The following SMCO4 variants were observed in gnomAD, a reference collection of about 807,000 sequenced individuals.
SMCO4 encodes the protein single-pass membrane protein with coiled-coil domains 4.
Under a neutral mutation model 3.6 loss-of-function variants are expected in SMCO4, and 4 were observed. The observed-to-expected ratio is 1.11, with a 90% CI of 0.54 to 2.53. SMCO4 has a LOEUF of 2.53. Among genes scored for constraint, SMCO4 ranks in the 30% most tolerant of loss-of-function variants. The pLI is 0.02. For missense variants in SMCO4, 70 were observed against 80.8 expected, an observed-to-expected ratio of 0.87 and a Z score of 0.51; for synonymous variants, 36 against 35.3, an observed-to-expected ratio of 1.02 and a Z score of -0.07.
the SMCO4 span, among the ~76,000 whole-genome samples, chr11:93,549,355 G>GT: frequency 1.3e-5 from 2 of 152,232 alleles, no homozygotes; most frequent in Non-Finnish European, 2.9e-5. Flanking sequence ...TTTGGTCATA[G>GT]TTCAGGTGCT....
chr11:93,545,606 AAAAG>A (rs1416004422), upstream of SMCO4, among the ~76,000 whole-genome samples: 20 of 151,166 alleles, frequency 1.3e-4, no homozygotes, highest in African/African-American at 3.7e-4. Context: ...AAAAAAAAAA[AAAAG>A]AGAGAGAGAG....
At chr11:93,543,770 G>A (rs549627813), upstream of SMCO4, among the ~76,000 whole-genome samples, 1 of 152,240 alleles carries the variant, frequency 6.6e-6, no homozygotes, top group South Asian at 2.1e-4. Flanking sequence ...CTCTCCTCCA[G>A]GGCAAGGTTA....
At chr11:93,531,298 C>T (rs1949159152) in intron 1 of SMCO4, among the ~76,000 whole-genome samples, 1 of 152,338 alleles carries the variant, frequency 6.6e-6, no homozygotes, top group South Asian at 2.1e-4. Context: ...AACTGAGAAA[C>T]TGGCTCTTCC....
chr11:93,511,958 A>ACCC (rs1948961638), intron 1 of SMCO4, among the ~76,000 whole-genome samples: 2 of 152,160 alleles, frequency 1.3e-5, no homozygotes, highest in African/African-American at 4.8e-5. Flanking sequence ...GTCAATAGTG[A>ACCC]TCTCACTTGT....
At chr11:93,487,458 A>T (rs1478507899) in intron 2 of SMCO4, among the ~76,000 whole-genome samples, 1 of 152,152 alleles carries the variant, frequency 6.6e-6, no homozygotes, top group African/African-American at 2.4e-5. Flanking sequence ...GGGAGGAGGG[A>T]TCATAGCTAC....
chr11:93,510,960 A>G (rs778284165), intron 1 of SMCO4, among the ~76,000 whole-genome samples: 1 of 152,150 alleles, frequency 6.6e-6, no homozygotes, highest in Non-Finnish European at 1.5e-5. Flanking sequence ...TTAGCCAGGT[A>G]TGGTGGCAGG....
chr11:93,519,193 G>A (rs1949035534), intron 1 of SMCO4, among the ~76,000 whole-genome samples: 1 of 152,196 alleles, frequency 6.6e-6, no homozygotes, highest in African/African-American at 2.4e-5. Flanking sequence ...GGCCTAGTCA[G>A]TAATGATCTT....
chr11:93,533,733 A>C (rs1244388914), intron 1 of SMCO4, among the ~76,000 whole-genome samples: 1 of 152,136 alleles, frequency 6.6e-6, no homozygotes, highest in African/African-American at 2.4e-5. Context: ...GCCCCACCTA[A>C]GGCCTCCACC....
chr11:93,513,317 T>C (rs984544213), intron 1 of SMCO4, among the ~76,000 whole-genome samples: 15 of 152,268 alleles, frequency 9.9e-5, no homozygotes, highest in Admixed American at 5.9e-4. Context: ...GTGAAACTAT[T>C]ATACACAAAC....
intron 1 of SMCO4, among the ~76,000 whole-genome samples, chr11:93,525,864 G>C (rs565554240): frequency 7.9e-5 from 12 of 152,316 alleles, no homozygotes; most frequent in African/African-American, 2.9e-4. Flanking sequence ...AACGTGCACT[G>C]CAACAGTGAT....
At chr11:93,509,393 T>C (rs1481828299) in intron 1 of SMCO4, among the ~76,000 whole-genome samples, 1 of 151,980 alleles carries the variant, frequency 6.6e-6, no homozygotes. Flanking sequence ...ACAACCACTA[T>C]GGAAAACAGT....
At chr11:93,494,567 T>C (rs1200540314) in intron 2 of SMCO4, among the ~76,000 whole-genome samples, 2 of 152,198 alleles carry the variant, frequency 1.3e-5, no homozygotes, top group Non-Finnish European at 2.9e-5. Flanking sequence ...CTGCTGAGCA[T>C]GGCAACCCAG....
At chr11:93,496,724 C>A (rs372871553) in intron 2 of SMCO4, among the ~76,000 whole-genome samples, 1 of 152,156 alleles carries the variant, frequency 6.6e-6, no homozygotes, top group Non-Finnish European at 1.5e-5. Flanking sequence ...AATGCAGATC[C>A]AGCTTTGGGG....
intron 1 of SMCO4, among the ~76,000 whole-genome samples, chr11:93,509,328 C>T (rs1009046872): frequency 9.3e-5 from 14 of 151,066 alleles, no homozygotes; most frequent in African/African-American, 3.4e-4. Context: ...TCACAAGGGG[C>T]TTACAAACAG....
chr11:93,541,679 A>G (rs976918105), intron 1 of SMCO4, among the ~76,000 whole-genome samples: 4 of 152,230 alleles, frequency 2.6e-5, no homozygotes, highest in Non-Finnish European at 5.9e-5. Flanking sequence ...AACCAAGTAC[A>G]CTAACTGCAA....
At chr11:93,482,333 G>A (rs546105450) in intron 2 of SMCO4, among the ~76,000 whole-genome samples, 14 of 152,316 alleles carry the variant, frequency 9.2e-5, no homozygotes, top group East Asian at 5.8e-4. Flanking sequence ...GGGGAAGGGC[G>A]GACTCAAGAA....
intron 1 of SMCO4, among the ~76,000 whole-genome samples, chr11:93,514,413 T>TATATATATATATACACAC (rs781423008): frequency 4.1e-4 from 14 of 33,962 alleles, no homozygotes; most frequent in African/African-American, 8.4e-4. Flanking sequence ...TATATATATA[T>TATATATATATATACACAC]ATATATATAA....
rs569944907 is a variant in SMCO4 at position 93,508,819 on chromosome 11, G to A, written c.-153-9471C>T. Among the ~76,000 whole-genome samples, 4 of 152,306 alleles carry A rather than the reference G, an allele frequency of 2.6e-5. No individual in the cohort carries two copies. The South Asian group carries it at 8.3e-4, about 32-fold the overall frequency. On this transcript the variant is annotated intron_variant, in intron 1 of 2. Coordinates refer to ENST00000298966, the MANE Select transcript of SMCO4 (RefSeq NM_020179.3). ...CCAGAGCATGGACTCTATCCAATCA[G>A]CACACACTCCACCACTGGAGGTGGG... is the stretch of plus-strand genomic sequence containing the variant.
chr11:93,541,187 C>G (rs562624883), intron 1 of SMCO4, among the ~76,000 whole-genome samples: 1 of 152,310 alleles, frequency 6.6e-6, no homozygotes, highest in Non-Finnish European at 1.5e-5. Context: ...TGATGGCCCT[C>G]AGCACCCAAA....
Sources: gnomAD v4.1 joint callset for allele counts (sites outside exome capture counted in the v4.1 genomes callset) on GRCh38, gnomAD v4.1.1 for gene constraint, MANE v1.5 for transcripts, NCBI Gene and HGNC (gene_info 2026-07-23, HGNC 2026-07-21) for gene names.